Variants in YES1 observed in about 807,000 individuals in gnomAD.
YES1 encodes the protein tyrosine-protein kinase Yes.
YES1 carries 39 observed loss-of-function variants against 70.4 expected under a neutral mutation model. That is an observed-to-expected ratio of 0.55 (90% CI 0.43 to 0.72). The LOEUF is 0.72. Among genes scored for constraint, YES1 ranks in the 30% least tolerant of loss-of-function variants. The pLI is 0.00. For synonymous variants in YES1, 198 were observed against 218.6 expected (o/e 0.91, Z 0.83); for missense variants, 495 against 644.8 (o/e 0.77, Z 2.52).
intron 1 of YES1, among the ~76,000 whole-genome samples, chr18:759,803 G>A (rs961434468): frequency 1.3e-5 from 2 of 151,928 alleles, no homozygotes; most frequent in Admixed American, 6.5e-5. Flanking sequence ...TTGGTGTGCT[G>A]CACCCATTAA....
chr18:745,601 T>C lies in YES1; in HGVS notation c.724+107A>G, dbSNP rs144771301. ...CAACAGACATTTATTGGGCATGTATTATGTGTAAATAAGTGTGTTAAATCT... is the reference window on the plus strand; with the variant it reads ...CAACAGACATTTATTGGGCATGTATCATGTGTAAATAAGTGTGTTAAATCT... On this transcript the variant is annotated intron_variant, in intron 6 of 11. Transcript: ENST00000314574. 7.1e-4 allele frequency: 755 copies of C among 1,061,188 alleles called. 3 individuals are homozygous for C. The African/African-American group carries it at 9.6e-3, about 13-fold the overall frequency. 65.7% of individuals were successfully genotyped at this position (1,061,188 alleles called of 1,614,324 possible). A position where few individuals can be genotyped will look rare whatever the true frequency, so the allele number is the denominator to read the frequency against.
intron 11 of YES1, among the ~76,000 whole-genome samples, chr18:725,293 C>T (rs926074882): frequency 1.2e-4 from 18 of 152,190 alleles, no homozygotes; most frequent in African/African-American, 3.9e-4. Flanking sequence ...CCTCACCTCA[C>T]GTCCTATCTC....
chr18:741,442 T>C (rs2080216200), intron 8 of YES1, among the ~76,000 whole-genome samples: 1 of 152,062 alleles, frequency 6.6e-6, no homozygotes, highest in South Asian at 2.1e-4. Flanking sequence ...GGTTTCACCA[T>C]GTTGCTCAGG....
At chr18:773,971 A>G (rs1905263966) in intron 1 of YES1, among the ~76,000 whole-genome samples, 1 of 151,968 alleles carries the variant, frequency 6.6e-6, no homozygotes, top group East Asian at 1.9e-4. Context: ...AGCTGGAATT[A>G]CATGCGCCCA....
chr18:801,286 T>C (rs573119435), intron 1 of YES1, among the ~76,000 whole-genome samples: 1 of 152,190 alleles, frequency 6.6e-6, no homozygotes, highest in Non-Finnish European at 1.5e-5. Context: ...TTAGCAGTGA[T>C]TGTGCAACTG....
intron 1 of YES1, among the ~76,000 whole-genome samples, chr18:765,286 A>ATATC (rs1904842410): frequency 8.2e-6 from 1 of 121,584 alleles, no homozygotes; most frequent in Non-Finnish European, 1.7e-5. Flanking sequence ...ATATATATAT[A>ATATC]TATATATCTG....
rs143947065 is a variant in YES1, at chr18:772,969, C to A, written c.-8-16134G>T. Among the ~76,000 whole-genome samples the A allele has an allele frequency of 6.9e-3, 1,056 of 152,280 alleles. 11 individuals are homozygous for A. The highest frequency in any genetic ancestry group is 0.022 in the Admixed American group (337 of 15,278). ...CTATCTAACTGCACTAACCTGCTGA[C>A]CAGTTATGGTTTGGCTATAGGCTGG... On this transcript the variant is annotated intron_variant, in intron 1 of 11. Coordinates refer to ENST00000314574, the MANE Select transcript of YES1 (RefSeq NM_005433.4).
At chr18:746,525 T>C (rs992108830) in intron 4 of YES1, among the ~76,000 whole-genome samples, 2 of 152,276 alleles carry the variant, frequency 1.3e-5, no homozygotes, top group South Asian at 4.1e-4. Flanking sequence ...AATGACAGTG[T>C]CTGCTATGGA....
chr18:764,392 T>TTTTG (rs1388048788), intron 1 of YES1, among the ~76,000 whole-genome samples: 1 of 151,892 alleles, frequency 6.6e-6, no homozygotes, highest in Admixed American at 6.6e-5. Context: ...CCGGCTAATT[T>TTTTG]TGTATTTTTA....
chr18:776,849 T>G (rs894738526), intron 1 of YES1, among the ~76,000 whole-genome samples: 6 of 152,278 alleles, frequency 3.9e-5, no homozygotes, highest in African/African-American at 1.4e-4. Flanking sequence ...TGGATACACC[T>G]GTCAAGGGCT....
In YES1 at chr18:745,800, T is replaced by A; in HGVS notation, c.632A>T (p.His211Leu). The change falls in exon 6 of 12, where the codon CAC (histidine) becomes CTC (leucine). Residue 211 changes from histidine (H) to leucine (L), a missense_variant. His to Leu is a moderately conservative substitution (Grantham distance 99). This residue lies in a region of YES1 where 385 missense variants were observed against 540.9 expected (regional missense o/e 0.71). Coordinates refer to ENST00000314574, the MANE Select transcript of YES1 (RefSeq NM_005433.4). Reference protein sequence around the residue: ...WDEIRGDNVKHYKIRKLDNGG... With the variant: ...WDEIRGDNVKLYKIRKLDNGG... ...ATTGTCAAGTTTCCTAATTTTGTAG[T>A]GTTTCACATTGTCACCCCTTATCTC... 6.2e-7 allele frequency: 1 copy of A among 1,613,136 alleles called. No homozygotes were observed. The highest frequency in any genetic ancestry group is 8.5e-7 in the Non-Finnish European group (1 of 1,179,826).
chr18:739,918 ATT>A (rs3840903), intron 8 of YES1, 107 bp from the exon 9 acceptor site: 2 of 761,996 alleles, frequency 2.6e-6, no homozygotes, highest in African/African-American at 3.6e-5. Flanking sequence ...TTAGCTTTTC[ATT>A]TTTTTTAAAT....
intron 1 of YES1, among the ~76,000 whole-genome samples, chr18:770,983 G>A (rs906345939): frequency 6.6e-6 from 1 of 150,660 alleles, no homozygotes; most frequent in African/African-American, 2.4e-5. Flanking sequence ...TCTGCTCTGG[G>A]CAATGAAGAG....
At chr18:768,938 A>G (rs1334597587) in intron 1 of YES1, among the ~76,000 whole-genome samples, 2 of 152,050 alleles carry the variant, frequency 1.3e-5, no homozygotes, top group Admixed American at 1.3e-4. Context: ...CCTGACCTCC[A>G]GTGATCCACC....
intron 11 of YES1, among the ~76,000 whole-genome samples, chr18:728,851 C>A (rs1466625562): frequency 6.6e-6 from 1 of 152,186 alleles, no homozygotes; most frequent in Non-Finnish European, 1.5e-5. Context: ...ATTAGGAATG[C>A]TCAATCTGCA....
intron 2 of YES1, among the ~76,000 whole-genome samples, chr18:755,426 A>AT (rs2080394481): frequency 6.6e-6 from 1 of 151,684 alleles, no homozygotes; most frequent in South Asian, 2.1e-4. Context: ...TTTTTTTTGT[A>AT]TTTTTAGTTG....
chr18:742,635 A>G (rs1255914497), intron 8 of YES1, among the ~76,000 whole-genome samples: 1 of 152,168 alleles, frequency 6.6e-6, no homozygotes, highest in African/African-American at 2.4e-5. Context: ...TTAAATGTGT[A>G]CAAACACTTT....
intron 1 of YES1, among the ~76,000 whole-genome samples, chr18:781,364 T>C (rs568633081): frequency 1.3e-5 from 2 of 152,084 alleles, no homozygotes; most frequent in Non-Finnish European, 2.9e-5. Flanking sequence ...TGTACCATAC[T>C]GTTTTCATAA....
chr18:745,750 CT>C lies in YES1; in HGVS notation c.681del (p.Ala228HisfsTer10). The C allele has an allele frequency of 6.2e-7, 1 of 1,613,140 alleles. No homozygotes were observed. Among genetic ancestry groups the C allele is most frequent in the Non-Finnish European group, 8.5e-7 (1 of 1,179,744 alleles). ...LDNGGYYITT[R>X]AQFDTLQKLV... ...AATTTCTGCAGAGTATCAAATTGTGCTCTGGTTGTGATATAGTATCCACCAT... is the reference window on the plus strand; with the variant it reads ...AATTTCTGCAGAGTATCAAATTGTGCCTGGTTGTGATATAGTATCCACCAT... On this transcript the variant is annotated frameshift_variant, in exon 6 of 12. Coordinates refer to ENST00000314574, the MANE Select transcript of YES1 (RefSeq NM_005433.4). LOFTEE classifies it high-confidence loss of function.
Sources: allele counts gnomAD v4.1 joint callset (sites outside exome capture counted in the v4.1 genomes callset), GRCh38; gene constraint gnomAD v4.1.1; regional missense constraint gnomAD v4.1.1; transcripts MANE v1.5; gene names NCBI Gene and HGNC (gene_info 2026-07-23, HGNC 2026-07-21).